The following NDST4 variants were observed in gnomAD, a reference collection of about 807,000 sequenced individuals.
The protein encoded by NDST4 is N-heparan sulfate sulfotransferase 4.
In NDST4, 63 loss-of-function variants were observed where a neutral mutation model predicts 100.8. That is an observed-to-expected ratio of 0.62 (90% confidence interval 0.51 to 0.77). The LOEUF (loss-of-function observed/expected upper bound fraction) is 0.77, where lower values mean the gene tolerates loss of function less well. Among genes scored for constraint, NDST4 ranks in the 30% least tolerant of loss-of-function variants. NDST4 has a pLI of 0.00. For synonymous variants in NDST4, 377 were observed against 361.8 expected (o/e 1.04, Z -0.48); for missense variants, 943 against 1,018.4 (o/e 0.93, Z 1.01).
chr4:115,104,087 T>G (rs1454498426), intron 1 of NDST4, among the ~76,000 whole-genome samples: 3 of 152,194 alleles, frequency 2.0e-5, no homozygotes, highest in Non-Finnish European at 2.9e-5. Flanking sequence ...TGAAATATTG[T>G]GTTTATATTC....
rs550992662 is a variant in NDST4 at position 115,076,098 on chromosome 4, A to G, written c.939T>C (p.Val313=). Residue 313 remains valine (V), a synonymous_variant, in exon 2 of 14, where the codon GTT becomes GTC. Coordinates refer to ENST00000264363, the MANE Select transcript of NDST4 (RefSeq NM_022569.3). ...YILVDIDDIF[V]GKEGTRMNVK... is the part of the protein sequence containing the mutation. ...CATTCATCCTTGTTCCCTCTTTCCC[A>G]ACAAATATATCATCAATGTCCACAA... is the stretch of plus-strand genomic sequence containing the variant. 6 of 1,613,048 alleles carry G rather than the reference A, an allele frequency of 3.7e-6. No individual in the cohort carries two copies. Among genetic ancestry groups the G allele is most frequent in the Non-Finnish European group, 4.2e-6 (5 of 1,179,616 alleles).
In NDST4 at chr4:115,026,430, T is replaced by TACACAC. The variant is rs57524504; in HGVS notation, c.979-49162_979-49157dup. ...CTCATAGTCTTATTTTTTTTTAAAG[T>TACACAC]ACACACACACACACACACACACACA... On this transcript the variant is annotated intron_variant, in intron 2 of 13. Transcript: ENST00000264363. 1.4e-4 allele frequency among the ~76,000 whole-genome samples: 21 copies of TACACAC among 148,650 alleles called. 1 individual carries two copies. The South Asian group carries it at 1.5e-3, about 11-fold the overall frequency.
chr4:114,838,088 T>C (rs1174361974), intron 11 of NDST4, among the ~76,000 whole-genome samples: 1 of 152,186 alleles, frequency 6.6e-6, no homozygotes, highest in Non-Finnish European at 1.5e-5. Flanking sequence ...TCACTGTTCA[T>C]TAGAGAAATG....
At chr4:115,085,245 T>C (rs1729387086) in intron 1 of NDST4, among the ~76,000 whole-genome samples, 2 of 152,218 alleles carry the variant, frequency 1.3e-5, no homozygotes, top group African/African-American at 4.8e-5. Flanking sequence ...ATTTACCCAA[T>C]GCCTGTACCC....
intron 2 of NDST4, among the ~76,000 whole-genome samples, chr4:115,060,914 T>C (rs1469459351): frequency 1.3e-5 from 2 of 152,064 alleles, no homozygotes; most frequent in South Asian, 2.1e-4. Flanking sequence ...GAATAATTTA[T>C]ATTTGGGTAC....
intron 2 of NDST4, among the ~76,000 whole-genome samples, chr4:115,030,576 TA>T (rs1488693821): frequency 2.0e-5 from 3 of 152,058 alleles, no homozygotes; most frequent in African/African-American, 7.2e-5. Context: ...GGAAGAAATA[TA>T]ATAAAACAGA....
intron 2 of NDST4, among the ~76,000 whole-genome samples, chr4:115,065,070 T>G (rs1289943958): frequency 6.6e-6 from 1 of 152,146 alleles, no homozygotes; most frequent in Non-Finnish European, 1.5e-5. Context: ...GTGATGACAT[T>G]GTATTTCCAG....
chr4:115,004,932 A>G (rs992451792), intron 2 of NDST4, among the ~76,000 whole-genome samples: 25 of 152,286 alleles, frequency 1.6e-4, no homozygotes, highest in Non-Finnish European at 2.6e-4. Flanking sequence ...AGGATTGACT[A>G]TTTTTCAACA....
intron 2 of NDST4, among the ~76,000 whole-genome samples, chr4:115,066,232 G>A (rs1368051544): frequency 2.0e-5 from 3 of 152,138 alleles, no homozygotes; most frequent in African/African-American, 7.2e-5. Flanking sequence ...TTACTGGTAT[G>A]TATTTTCTCA....
intron 6 of NDST4, among the ~76,000 whole-genome samples, chr4:114,913,590 A>C (rs1407050863): frequency 6.6e-6 from 1 of 151,970 alleles, no homozygotes; most frequent in African/African-American, 2.4e-5. Context: ...TTTTTAAAGG[A>C]GAGATTTTAA....
chr4:114,928,965 C>T (rs989741410), intron 6 of NDST4, among the ~76,000 whole-genome samples: 2 of 151,888 alleles, frequency 1.3e-5, no homozygotes, highest in Admixed American at 6.6e-5. Flanking sequence ...TGACAGCCCT[C>T]GTAATTGCAT....
chr4:114,887,182 G>T (rs1251694041), intron 6 of NDST4, among the ~76,000 whole-genome samples: 1 of 152,140 alleles, frequency 6.6e-6, no homozygotes, highest in African/African-American at 2.4e-5. Flanking sequence ...TTAAATTAGA[G>T]AAATTAGATT....
Position 114,845,839 on chromosome 4 carries a change from G to T in NDST4, c.2099C>A (p.Ala700Glu), listed in dbSNP as rs1303176225. The stretch of plus-strand genomic sequence containing the variant: ...TGACCATACCTGGTACCAAGAGTAT[G>T]CCCTGTCTGAGGGGTCAATGAGGAT... Reference protein sequence around the residue: ...ITILIDPSDRAYSWYQHQRSH... With the variant: ...ITILIDPSDREYSWYQHQRSH... Residue 700 changes from alanine to glutamate, a missense_variant, in exon 10 of 14, where the codon GCA becomes GAA. Coordinates refer to ENST00000264363, the MANE Select transcript of NDST4 (RefSeq NM_022569.3). The T allele has an allele frequency of 6.2e-7, 1 of 1,613,762 alleles. No individual in the cohort carries two copies. Among genetic ancestry groups the T allele is most frequent in the Non-Finnish European group, 8.5e-7 (1 of 1,179,746 alleles).
chr4:114,870,165 C>G (rs1724117244), intron 7 of NDST4, among the ~76,000 whole-genome samples: 1 of 152,112 alleles, frequency 6.6e-6, no homozygotes, highest in Non-Finnish European at 1.5e-5. Flanking sequence ...TGCATCCAGG[C>G]TAAGTGGCCC....
intron 2 of NDST4, among the ~76,000 whole-genome samples, chr4:115,030,593 T>C (rs953093615): frequency 2.0e-5 from 3 of 152,060 alleles, no homozygotes; most frequent in African/African-American, 7.2e-5. Flanking sequence ...ACAGAAACTT[T>C]TTTTATTATC....
At chr4:114,890,962 G>C (rs921925368) in intron 6 of NDST4, among the ~76,000 whole-genome samples, 1 of 151,908 alleles carries the variant, frequency 6.6e-6, no homozygotes, top group African/African-American at 2.4e-5. Context: ...TTTTCCCCAG[G>C]AACTGACTCA....
At chr4:114,896,089 A>C (rs1724707664) in intron 6 of NDST4, among the ~76,000 whole-genome samples, 1 of 152,196 alleles carries the variant, frequency 6.6e-6, no homozygotes, top group South Asian at 2.1e-4. Context: ...CCATATATTC[A>C]CATTCATGGG....
At chr4:114,830,357 T>G (rs1399635769) in intron 12 of NDST4, among the ~76,000 whole-genome samples, 1 of 152,228 alleles carries the variant, frequency 6.6e-6, no homozygotes, top group Non-Finnish European at 1.5e-5. Flanking sequence ...AATATAAACA[T>G]GAATTAAAGC....
In NDST4 at chr4:114,851,113, A is replaced by G. The variant is rs369873548; in HGVS notation, c.1816+1612T>C. ...CACTTTTGTACCTCATGCTTCTTGTAAGAGATGCATGCACCACATTTAAGT... is the reference window on the plus strand; with the variant it reads ...CACTTTTGTACCTCATGCTTCTTGTGAGAGATGCATGCACCACATTTAAGT... On this transcript the variant is annotated intron_variant, in intron 8 of 13. Transcript: ENST00000264363. Among the ~76,000 whole-genome samples, 5 of 152,308 alleles carry G rather than the reference A, an allele frequency of 3.3e-5. No homozygotes were observed. In the East Asian group the frequency reaches 9.7e-4, roughly 29 times the overall value.
Sources: allele counts gnomAD v4.1 joint callset (sites outside exome capture counted in the v4.1 genomes callset), GRCh38; gene constraint gnomAD v4.1.1; transcripts MANE v1.5; gene names NCBI Gene and HGNC (gene_info 2026-07-23, HGNC 2026-07-21).